MNS1: variants seen among roughly 807,000 people sequenced by gnomAD.
The protein encoded by MNS1 is meiosis specific nuclear structural 1.
A neutral mutation model predicts 72.0 loss-of-function variants in MNS1; 63 were observed. The ratio of observed to expected loss-of-function variants is 0.87; its 90% confidence interval spans 0.71 to 1.08. The LOEUF is 1.08. MNS1 is among the 50% of genes least tolerant of loss of function. The pLI, the probability that MNS1 is intolerant of heterozygous loss-of-function variation, is 0.00. For missense variants in MNS1, 604 were observed against 562.4 expected (o/e 1.07, Z -0.75); for synonymous variants, 188 against 172.1 (o/e 1.09, Z -0.72).
At chr15:56,441,060 G>T (rs113199989) in intron 7 of MNS1, among the ~76,000 whole-genome samples, 17 of 152,116 alleles carry the variant, frequency 1.1e-4, no homozygotes, top group African/African-American at 4.1e-4. Flanking sequence ...TTAACTGCAC[G>T]TCACATATTT....
At chr15:56,439,063 TC>T in intron 7 of MNS1, among the ~76,000 whole-genome samples, 1 of 152,038 alleles carries the variant, frequency 6.6e-6, no homozygotes, top group African/African-American at 2.4e-5. Flanking sequence ...GGAAAAAAAA[TC>T]CTACAGCTAA....
At chr15:56,453,752 T>A (rs1363396187) in intron 3 of MNS1, among the ~76,000 whole-genome samples, 1 of 152,174 alleles carries the variant, frequency 6.6e-6, no homozygotes, top group Non-Finnish European at 1.5e-5. Flanking sequence ...AGTTAAATTA[T>A]CTTTTAAGTA....
chr15:56,428,921 A>C lies in MNS1; in HGVS notation c.*180T>G. The C allele has an allele frequency of 1.9e-6, 1 of 537,920 alleles. No individual in the cohort carries two copies. Among genetic ancestry groups the C allele is most frequent in the East Asian group, 3.2e-5 (1 of 30,864 alleles). The allele number at this position is 537,920 out of a possible 1,614,324, so 33.3% of individuals were successfully genotyped here. ...TTTTGAAATTATCAGTACAAAAATA[A>C]CAGCTTGATTAAAATTAATTTGTAT... On this transcript the variant is annotated 3_prime_UTR_variant, in exon 10 of 10. Transcript: ENST00000260453.
intron 2 of MNS1, among the ~76,000 whole-genome samples, chr15:56,460,529 A>T (rs1010339433): frequency 2.0e-5 from 3 of 152,206 alleles, no homozygotes; most frequent in East Asian, 3.8e-4. Flanking sequence ...TGAAAGCTAA[A>T]TTCTCCATTT....
intron 9 of MNS1, chr15:56,429,842 A>G (rs1177733614): frequency 6.6e-6 from 1 of 152,194 alleles, no homozygotes; most frequent in African/African-American, 2.4e-5. Context: ...TCATTTTTGG[A>G]TATCAAGTTT....
chr15:56,443,303 T>TA, intron 7 of MNS1, 127 bp downstream of exon 7: 2 of 643,986 alleles, frequency 3.1e-6, no homozygotes, highest in Non-Finnish European at 4.8e-6. Context: ...CTTTTAACTG[T>TA]AGTATACCAT....
chr15:56,464,353 T>G lies in MNS1; in HGVS notation c.4-106A>C, dbSNP rs1008193699. The G allele has an allele frequency of 9.7e-6, 8 of 820,644 alleles. No homozygotes were observed. In the Admixed American group the frequency reaches 2.0e-4, roughly 21 times the overall value. 50.8% of individuals were successfully genotyped at this position (820,644 alleles called of 1,614,324 possible). A position where few individuals can be genotyped will look rare whatever the true frequency, so the allele number is the denominator to read the frequency against. ...TAAGAAAGGATACGAAGAGCCTGGCTTCCTTCCTAAATTCAAAGGAGTATA... is the reference window on the plus strand; with the variant it reads ...TAAGAAAGGATACGAAGAGCCTGGCGTCCTTCCTAAATTCAAAGGAGTATA... On this transcript the variant is annotated intron_variant, in intron 1 of 9. Transcript: ENST00000260453.
intron 9 of MNS1, chr15:56,429,905 C>A (rs1335776526): frequency 2.6e-5 from 4 of 152,092 alleles, no homozygotes; most frequent in African/African-American, 9.7e-5. Flanking sequence ...AATATCAAAT[C>A]CCAAAGAAAG....
At chr15:56,452,500 T>C (rs1327875300) in intron 3 of MNS1, among the ~76,000 whole-genome samples, 1 of 150,214 alleles carries the variant, frequency 6.7e-6, no homozygotes, top group Non-Finnish European at 1.5e-5. Flanking sequence ...GTATAATCCA[T>C]ATTGTTTTGT....
intron 2 of MNS1, among the ~76,000 whole-genome samples, chr15:56,458,353 T>C (rs1567154383): frequency 6.6e-6 from 1 of 152,152 alleles, no homozygotes; most frequent in African/African-American, 2.4e-5. Flanking sequence ...AGAGTTCCCA[T>C]ATATTCCCTG....
chr15:56,442,707 AGAAG>A (rs1307920821), intron 7 of MNS1, among the ~76,000 whole-genome samples: 6 of 152,162 alleles, frequency 3.9e-5, no homozygotes, highest in Non-Finnish European at 7.4e-5. Context: ...GTGGACACAA[AGAAG>A]GAAAACAGAC....
chr15:56,456,580 G>A (rs1007372854), intron 2 of MNS1, 59 bp from the exon 3 acceptor site: 6 of 1,561,868 alleles, frequency 3.8e-6, no homozygotes, highest in Non-Finnish European at 5.2e-6. Context: ...TTTCATCAAG[G>A]TTGAATTTGT....
At chr15:56,449,357 A>AT (rs1178872862) in intron 3 of MNS1, among the ~76,000 whole-genome samples, 3 of 150,742 alleles carry the variant, frequency 2.0e-5, no homozygotes, top group Non-Finnish European at 1.5e-5. Context: ...ATTCATATCA[A>AT]TGGGCTTTTT....
rs115075574 is a variant in MNS1, at chr15:56,456,343, A to C, written c.353+51T>G. 5.9e-3 allele frequency: 9,106 copies of C among 1,534,844 alleles called. 462 individuals are homozygous for C. The African/African-American group carries it at 0.1, about 18-fold the overall frequency. ...ACTTTCAGGTGCTAAGGATTACATA[A>C]GAGTTTAAAGATAAAGACTAAATAA... is the stretch of plus-strand genomic sequence containing the variant. On this transcript the variant is annotated intron_variant, in intron 3 of 9. Transcript: ENST00000260453.
intron 3 of MNS1, among the ~76,000 whole-genome samples, chr15:56,454,827 T>C (rs1344361705): frequency 2.6e-5 from 4 of 152,196 alleles, no homozygotes; most frequent in African/African-American, 9.6e-5. Context: ...CTCTCCATGC[T>C]TTATTCTGAA....
At chr15:56,431,931 A>G (rs2050608954) in intron 8 of MNS1, among the ~76,000 whole-genome samples, 1 of 152,080 alleles carries the variant, frequency 6.6e-6, no homozygotes, top group Non-Finnish European at 1.5e-5. Flanking sequence ...GATATGAAGC[A>G]TGAGAATTCC....
intron 7 of MNS1, among the ~76,000 whole-genome samples, chr15:56,437,391 A>G (rs1192177972): frequency 1.3e-5 from 2 of 152,198 alleles, no homozygotes; most frequent in African/African-American, 4.8e-5. Context: ...TAGATGCAAA[A>G]AAGGCCCTTG....
rs369564423 is a variant in MNS1, at chr15:56,464,999, C to T, written c.-27G>A. On this transcript the variant is annotated 5_prime_UTR_variant, in exon 1 of 10. Coordinates refer to ENST00000260453, the MANE Select transcript of MNS1 (RefSeq NM_018365.4). ...TTGGCTGACGAAAAATACCCCCTCT[C>T]GTGGGACCGCGGCCACCACCTCCCG... 9 of 1,607,184 alleles carry T rather than the reference C, an allele frequency of 5.6e-6. No individual in the cohort carries two copies. The African/African-American group carries it at 6.7e-5, about 12-fold the overall frequency.
At chr15:56,442,305 T>A (rs2050829021) in intron 7 of MNS1, among the ~76,000 whole-genome samples, 1 of 152,124 alleles carries the variant, frequency 6.6e-6, no homozygotes, top group Admixed American at 6.5e-5. Context: ...TCAACCACTG[T>A]GAAAAGCACT....
Sources: gnomAD v4.1 joint callset for allele counts (sites outside exome capture counted in the v4.1 genomes callset) on GRCh38, gnomAD v4.1.1 for gene constraint, MANE v1.5 for transcripts, NCBI Gene and HGNC (gene_info 2026-07-23, HGNC 2026-07-21) for gene names.